Variants in TEX9 observed in about 807,000 individuals in gnomAD.
TEX9 encodes testis-expressed protein 9.
Under a neutral mutation model 59.6 loss-of-function variants are expected in TEX9, and 74 were observed. That is an observed-to-expected ratio of 1.24 (90% confidence interval 1.03 to 1.51). The LOEUF is 1.51. TEX9 is among the 40% of genes most tolerant of loss of function. The probability of loss-of-function intolerance (pLI) is 0.00; values close to 1 mark genes in which losing one functional copy is unlikely to be tolerated. For synonymous variants in TEX9, 186 were observed against 152.2 expected (o/e 1.22, Z -1.64); for missense variants, 522 against 447.8 (o/e 1.17, Z -1.49).
chr15:56,387,421 A>G (rs549806496), intron 4 of TEX9, among the ~76,000 whole-genome samples: 2 of 152,092 alleles, frequency 1.3e-5, no homozygotes, highest in African/African-American at 4.8e-5. Context: ...AGTTTCTGTA[A>G]TTTTTAACAT....
At chr15:56,291,974 C>G (rs2141508939) in intron 1 of TEX9, among the ~76,000 whole-genome samples, 1 of 152,344 alleles carries the variant, frequency 6.6e-6, no homozygotes, top group African/African-American at 2.4e-5. Flanking sequence ...TGTTAGCTTG[C>G]TAATGTGGTG....
chr15:56,315,440 G>A (rs1410229241), intron 1 of TEX9, among the ~76,000 whole-genome samples: 1 of 149,582 alleles, frequency 6.7e-6, no homozygotes, highest in Non-Finnish European at 1.5e-5. Flanking sequence ...GAAATTCTGG[G>A]TTGAAAATTC....
In TEX9 at chr15:56,434,346, A is replaced by G. The variant is rs371811534; in HGVS notation, c.*29+5873A>G. 5.0e-6 allele frequency: 8 copies of G among 1,613,324 alleles called. No individual in the cohort carries two copies. The African/African-American group carries it at 6.7e-5, about 13-fold the overall frequency. On this transcript the variant is annotated intron_variant, in intron 12 of 12. Coordinates refer to ENST00000352903, the Ensembl canonical transcript of TEX9. ...TTCCTTCAAGGCCATTTGTTCTTCA[A>G]AATCTTGCTTCATCTCTTTTTGCTT... is the stretch of plus-strand genomic sequence containing the variant.
chr15:56,388,232 A>C (rs2142232341), intron 4 of TEX9, among the ~76,000 whole-genome samples: 1 of 152,166 alleles, frequency 6.6e-6, no homozygotes, highest in African/African-American at 2.4e-5. Flanking sequence ...AATTTTTGCT[A>C]CATTTTCCTA....
At chr15:56,460,009 A>AAAAAAAATATATAT in the TEX9 span, among the ~76,000 whole-genome samples, 5 of 26,386 alleles carry the variant, frequency 1.9e-4, no homozygotes, top group South Asian at 1.5e-3. Flanking sequence ...AAAAAAAAAA[A>AAAAAAAATATATAT]ATACATATAT....
At chr15:56,328,909 T>C (rs1254868224) in intron 1 of TEX9, among the ~76,000 whole-genome samples, 1 of 152,152 alleles carries the variant, frequency 6.6e-6, no homozygotes, top group African/African-American at 2.4e-5. Flanking sequence ...CACCTGCTGA[T>C]TGTAGAGTCC....
rs557574812 is a variant in TEX9, at chr15:56,337,287, A to G, written c.-106-36154A>G. On this transcript the variant is annotated intron_variant, in intron 1 of 5. Coordinates refer to the TEX9 transcript ENST00000560827. ...TGGCTTATCTGGTGGGGCTATTCAG[A>G]TCCTTATCCTTGAGGGGTCTGACCC... Among the ~76,000 whole-genome samples, 2 of 152,112 alleles carry G rather than the reference A, an allele frequency of 1.3e-5. 1 individual carries two copies. The highest frequency in any genetic ancestry group is 4.2e-4 in the South Asian group (2 of 4,818).
chr15:56,454,126 T>C, the TEX9 span, among the ~76,000 whole-genome samples: 7 of 152,088 alleles, frequency 4.6e-5, no homozygotes, highest in Non-Finnish European at 7.4e-5. Context: ...ACTGAATGAC[T>C]TTTAGTTTGA....
intron 1 of TEX9, among the ~76,000 whole-genome samples, chr15:56,293,944 C>T (rs1210552535): frequency 1.3e-5 from 2 of 152,198 alleles, no homozygotes; most frequent in African/African-American, 2.4e-5. Context: ...ATGAGTTCCA[C>T]GAATCCTTCT....
At chr15:56,449,650 A>G (rs567530336), downstream of TEX9, among the ~76,000 whole-genome samples, 155 of 152,218 alleles carry the variant, frequency 1.0e-3, 1 homozygote, top group African/African-American at 3.6e-3. Context: ...GATTGGTGTT[A>G]CTTTGTCCTG....
At chr15:56,376,684 AT>A (rs2047469692) in intron 3 of TEX9, among the ~76,000 whole-genome samples, 1 of 151,800 alleles carries the variant, frequency 6.6e-6, no homozygotes, top group Admixed American at 6.6e-5. Flanking sequence ...GTTTGAAAAT[AT>A]TTTCTCCCAT....
intron 12 of TEX9, chr15:56,443,619 GA>G (rs774690466): frequency 6.2e-7 from 1 of 1,605,426 alleles, no homozygotes; most frequent in South Asian, 1.1e-5. Flanking sequence ...TAGTGTTAAA[GA>G]AGTGGTTATT....
At chr15:56,249,347 T>C (rs1322408738) in intron 1 of TEX9, among the ~76,000 whole-genome samples, 3 of 152,108 alleles carry the variant, frequency 2.0e-5, no homozygotes, top group Non-Finnish European at 4.4e-5. Context: ...AGTGTCAATG[T>C]TATTTCTGGA....
At chr15:56,349,406 G>A (rs1181015102) in intron 1 of TEX9, among the ~76,000 whole-genome samples, 1 of 152,100 alleles carries the variant, frequency 6.6e-6, no homozygotes, top group Non-Finnish European at 1.5e-5. Context: ...AGAGATTTGG[G>A]CAGACTTTAT....
chr15:56,387,015 G>C, intron 4 of TEX9, among the ~76,000 whole-genome samples: 1 of 135,228 alleles, frequency 7.4e-6, no homozygotes, highest in South Asian at 2.4e-4. Context: ...GGATGACTCT[G>C]TCAAAAAATG....
rs1051133574 is a variant in TEX9 at position 56,337,892 on chromosome 15, G to A, written c.-106-35549G>A. Among the ~76,000 whole-genome samples, 50 of 152,148 alleles carry A rather than the reference G, an allele frequency of 3.3e-4. 1 individual carries two copies. Among genetic ancestry groups the A allele is most frequent in the Admixed American group, 2.1e-3 (32 of 15,292 alleles). On this transcript the variant is annotated intron_variant, in intron 1 of 5. Transcript: ENST00000560827. ...CCCAAGTGGCTGGTCCTAGTTTTTT[G>A]CTTAAATAAACTCTTTAAAACTGGA...
chr15:56,254,220 T>C (rs1177579758), intron 1 of TEX9, among the ~76,000 whole-genome samples: 1 of 151,958 alleles, frequency 6.6e-6, no homozygotes, highest in Non-Finnish European at 1.5e-5. Flanking sequence ...GATCAGACTT[T>C]AGAAAAACAT....
At chr15:56,427,623 C>T (rs766909642) in exon 11 of TEX9, 2 of 1,529,702 alleles carry the variant, frequency 1.3e-6, no homozygotes, top group Non-Finnish European at 1.8e-6. Context: ...AAATGAAGAA[C>T]ACAAAAAAAT....
intron 1 of TEX9, among the ~76,000 whole-genome samples, chr15:56,247,280 A>G (rs2043881958): frequency 6.6e-6 from 1 of 152,230 alleles, no homozygotes. Context: ...CCCAACTTGA[A>G]GTAGTTTACA....
Sources: gnomAD v4.1 joint callset for allele counts (sites outside exome capture counted in the v4.1 genomes callset) on GRCh38, gnomAD v4.1.1 for gene constraint, MANE v1.5 for transcripts, NCBI Gene and HGNC (gene_info 2026-07-23, HGNC 2026-07-21) for gene names.